The following LDLRAD3 variants were observed in gnomAD, a reference collection of about 807,000 sequenced individuals.
The protein encoded by LDLRAD3 is low density lipoprotein receptor class A domain containing 3, also known as low-density lipoprotein receptor class A domain-containing protein 3.
In LDLRAD3, 20 loss-of-function variants were observed where a neutral mutation model predicts 29.4. The ratio of observed to expected loss-of-function variants is 0.68; its 90% CI spans 0.48 to 0.99. The LOEUF is 0.99. Ranked by LOEUF, LDLRAD3 falls within the 50% of genes least tolerant of loss-of-function variation. The probability of loss-of-function intolerance (pLI) is 0.00; values close to 1 mark genes in which losing one functional copy is unlikely to be tolerated. For missense variants in LDLRAD3, 420 were observed against 454.3 expected (o/e 0.92, Z 0.69); for synonymous variants, 157 against 192.7 (o/e 0.81, Z 1.53).
At chr11:36,092,653 G>A (rs1376741347) in intron 3 of LDLRAD3, among the ~76,000 whole-genome samples, 1 of 152,186 alleles carries the variant, frequency 6.6e-6, no homozygotes, top group Non-Finnish European at 1.5e-5. Flanking sequence ...CTGGCTGTCA[G>A]CTTTTATTTC....
intron 4 of LDLRAD3, among the ~76,000 whole-genome samples, chr11:36,143,764 A>G (rs927570178): frequency 3.3e-5 from 5 of 152,128 alleles, no homozygotes; most frequent in Admixed American, 6.5e-5. Flanking sequence ...TGGCTTGTAG[A>G]TGGCATCTCC....
intron 4 of LDLRAD3, among the ~76,000 whole-genome samples, chr11:36,155,517 A>G (rs1203691816): frequency 1.3e-5 from 2 of 152,162 alleles, no homozygotes; most frequent in African/African-American, 2.4e-5. Context: ...CGTGCCTGGA[A>G]CAAGTCAGAC....
intron 4 of LDLRAD3, among the ~76,000 whole-genome samples, chr11:36,146,379 A>G (rs912602680): frequency 2.6e-5 from 4 of 152,228 alleles, no homozygotes; most frequent in Non-Finnish European, 5.9e-5. Flanking sequence ...TTATAGGAGT[A>G]ATATACACCC....
At chr11:36,023,273 C>T (rs1055363198) in intron 1 of LDLRAD3, among the ~76,000 whole-genome samples, 1 of 152,126 alleles carries the variant, frequency 6.6e-6, no homozygotes, top group East Asian at 1.9e-4. Context: ...TTGAAGTGAA[C>T]CAGAGAGACC....
At chr11:35,979,568 C>T (rs1427503002) in intron 1 of LDLRAD3, among the ~76,000 whole-genome samples, 1 of 152,126 alleles carries the variant, frequency 6.6e-6, no homozygotes. Flanking sequence ...TTGGATTTCT[C>T]AGGTTAGCGG....
At chr11:35,960,800 T>C (rs1851267654) in intron 1 of LDLRAD3, among the ~76,000 whole-genome samples, 2 of 152,232 alleles carry the variant, frequency 1.3e-5, no homozygotes, top group African/African-American at 4.8e-5. Flanking sequence ...TCTCACCATG[T>C]TGGCCAGGCT....
intron 2 of LDLRAD3, among the ~76,000 whole-genome samples, chr11:36,069,248 C>A (rs1852852189): frequency 1.3e-5 from 2 of 152,128 alleles, no homozygotes; most frequent in Admixed American, 1.3e-4. Flanking sequence ...AAAGGAGCTC[C>A]CCCGTTTAGC....
chr11:36,210,395 G>T (rs1855267859), intron 4 of LDLRAD3, among the ~76,000 whole-genome samples: 1 of 152,074 alleles, frequency 6.6e-6, no homozygotes, highest in Non-Finnish European at 1.5e-5. Flanking sequence ...TAAAATGCTT[G>T]TCTGAGCTCT....
At position 36,213,863 on chromosome 11, in the gene LDLRAD3, A is replaced by G. The variant is rs1418511483; in HGVS notation, c.455-13222A>G. On this transcript the variant is annotated intron_variant, in intron 4 of 5. Coordinates refer to ENST00000315571, the MANE Select transcript of LDLRAD3 (RefSeq NM_174902.4). The surrounding 1 kb of genome is among the most constrained non-coding windows in gnomAD (Gnocchi z 4.1). ...CAGCGTTTTCTCTTCTCTGCCATTCAGCACTCCCAAGGCCCGTTTTAATCT... is the reference window on the plus strand; with the variant it reads ...CAGCGTTTTCTCTTCTCTGCCATTCGGCACTCCCAAGGCCCGTTTTAATCT... 6.6e-6 allele frequency among the ~76,000 whole-genome samples: 1 copy of G among 151,578 alleles called. No individual in the cohort carries two copies. Among genetic ancestry groups the G allele is most frequent in the East Asian group, 1.9e-4 (1 of 5,188 alleles).
At chr11:36,015,865 G>T (rs1234623365) in intron 1 of LDLRAD3, among the ~76,000 whole-genome samples, 1 of 152,174 alleles carries the variant, frequency 6.6e-6, no homozygotes, top group African/African-American at 2.4e-5. Flanking sequence ...CCTCCCACAA[G>T]CCTTGGGCTC....
At chr11:36,061,282 G>A (rs934516660) in intron 2 of LDLRAD3, among the ~76,000 whole-genome samples, 1 of 152,112 alleles carries the variant, frequency 6.6e-6, no homozygotes, top group African/African-American at 2.4e-5. Flanking sequence ...GGGACTGCAG[G>A]CACGTGGCAC....
chr11:36,168,498 C>CTTTTTTTTTTTTTTT (rs5791083), intron 4 of LDLRAD3, among the ~76,000 whole-genome samples: 3 of 115,812 alleles, frequency 2.6e-5, no homozygotes, highest in African/African-American at 3.2e-5. Context: ...TTTCTTTCTT[C>CTTTTTTTTTTTTTTT]TTTTTTTTTT....
chr11:36,211,277 G>C (rs1855281120), intron 4 of LDLRAD3, among the ~76,000 whole-genome samples: 2 of 152,216 alleles, frequency 1.3e-5, no homozygotes, highest in Non-Finnish European at 2.9e-5. Flanking sequence ...CCCTGAGCTA[G>C]AACACAGGAT....
At chr11:36,206,509 A>G (rs1171486577) in intron 4 of LDLRAD3, among the ~76,000 whole-genome samples, 1 of 152,130 alleles carries the variant, frequency 6.6e-6, no homozygotes, top group African/African-American at 2.4e-5. Context: ...GAGCGTGGTT[A>G]TTTCTAGTTA....
intron 4 of LDLRAD3, among the ~76,000 whole-genome samples, chr11:36,215,029 C>T (rs949846409): frequency 2.0e-5 from 3 of 151,594 alleles, no homozygotes; most frequent in African/African-American, 7.3e-5. Context: ...TGAAGGTAGA[C>T]GAGGTGGGTG....
intron 1 of LDLRAD3, among the ~76,000 whole-genome samples, chr11:35,959,348 C>T (rs1851246967): frequency 6.6e-6 from 1 of 152,214 alleles, no homozygotes; most frequent in African/African-American, 2.4e-5. Context: ...TAATCTCTGA[C>T]TTCTTAATGG....
intron 1 of LDLRAD3, among the ~76,000 whole-genome samples, chr11:36,006,662 T>G (rs544363269): frequency 6.6e-6 from 1 of 152,340 alleles, no homozygotes; most frequent in African/African-American, 2.4e-5. Flanking sequence ...TGAGCCTTAG[T>G]TTTCTCCTCT....
At chr11:36,042,773 A>G (rs1316378098) in intron 2 of LDLRAD3, among the ~76,000 whole-genome samples, 5 of 152,324 alleles carry the variant, frequency 3.3e-5, no homozygotes, top group Middle Eastern at 6.8e-3. Flanking sequence ...CAGAGGGAAG[A>G]TGATGTGAAG....
chr11:36,065,317 T>C (rs1383389878), intron 2 of LDLRAD3, among the ~76,000 whole-genome samples: 1 of 152,228 alleles, frequency 6.6e-6, no homozygotes, highest in Non-Finnish European at 1.5e-5. Flanking sequence ...TTGTCTGATA[T>C]TAGTATAGCC....
Sources: allele counts gnomAD v4.1 joint callset (sites outside exome capture counted in the v4.1 genomes callset), GRCh38; gene constraint gnomAD v4.1.1; non-coding constraint Gnocchi (gnomAD v3.1); transcripts MANE v1.5; gene names NCBI Gene and HGNC (gene_info 2026-07-23, HGNC 2026-07-21).